The following FBXO45 variants were observed in gnomAD, a reference collection of about 807,000 sequenced individuals.
FBXO45 encodes F-box protein 45, also known as F-box/SPRY domain-containing protein 1.
A neutral mutation model predicts 25.5 loss-of-function variants in FBXO45; 3 were observed. That is an observed-to-expected ratio of 0.12 (90% CI 0.05 to 0.30). The LOEUF (loss-of-function observed/expected upper bound fraction) is 0.30, where lower values mean the gene tolerates loss of function less well. Ranked by LOEUF, FBXO45 falls within the 10% of genes least tolerant of loss-of-function variation. FBXO45 has a pLI of 1.00. For missense variants in FBXO45, 219 were observed against 365.0 expected (o/e 0.60, Z 3.26); for synonymous variants, 155 against 149.8 (o/e 1.03, Z -0.25).
At chr3:196,581,205 T>C (rs1736003820) in intron 2 of FBXO45, among the ~76,000 whole-genome samples, 1 of 150,466 alleles carries the variant, frequency 6.6e-6, no homozygotes, top group Non-Finnish European at 1.5e-5. Context: ...CTTTAGAATT[T>C]CCTTTTTTTT....
rs1285441068 is a variant in FBXO45 at position 196,589,045 on chromosome 3, AAAGTT to A, written c.*4730_*4734del. ...TTGTTTTGCCTTAGTTTCTTAATAA[AAAGTT>A]AAACATTAACCACCTGTGATTGCTT... is the stretch of plus-strand genomic sequence containing the variant. On this transcript the variant is annotated 3_prime_UTR_variant, in exon 3 of 3. Transcript: ENST00000311630. 1 of 152,224 alleles carries A rather than the reference AAAGTT, an allele frequency of 6.6e-6. No homozygotes were observed. Among genetic ancestry groups the A allele is most frequent in the Non-Finnish European group, 1.5e-5 (1 of 68,042 alleles). 9.4% of individuals were successfully genotyped at this position (152,224 alleles called of 1,614,324 possible). A position where few individuals can be genotyped will look rare whatever the true frequency, so the allele number is the denominator to read the frequency against.
intron 1 of FBXO45, among the ~76,000 whole-genome samples, chr3:196,570,935 T>C (rs1735813985): frequency 6.6e-6 from 1 of 151,830 alleles, no homozygotes; most frequent in South Asian, 2.1e-4. Context: ...ATGGTCTCAA[T>C]CTCCTGACCT....
intron 1 of FBXO45, among the ~76,000 whole-genome samples, chr3:196,573,421 G>A (rs1422399714): frequency 6.6e-6 from 1 of 152,186 alleles, no homozygotes; most frequent in Non-Finnish European, 1.5e-5. Context: ...AACCATAGAA[G>A]TTTGAACAGC....
chr3:196,570,462 C>A (rs1577593622), intron 1 of FBXO45, among the ~76,000 whole-genome samples: 1 of 152,052 alleles, frequency 6.6e-6, no homozygotes, highest in Admixed American at 6.5e-5. Flanking sequence ...GCCTCGAACT[C>A]CCGACCTCAG....
chr3:196,576,982 A>T (rs1031216973), intron 1 of FBXO45, among the ~76,000 whole-genome samples: 1 of 152,228 alleles, frequency 6.6e-6, no homozygotes, highest in African/African-American at 2.4e-5. Context: ...TATAAACAAA[A>T]GTAGAGAAAA....
intron 2 of FBXO45, among the ~76,000 whole-genome samples, chr3:196,579,083 C>T (rs1735965059): frequency 6.6e-6 from 1 of 152,120 alleles, no homozygotes; most frequent in African/African-American, 2.4e-5. Context: ...ATTTTTTATT[C>T]TTTTCATCTT....
chr3:196,571,535 A>G (rs555556599), intron 1 of FBXO45, among the ~76,000 whole-genome samples: 2 of 152,266 alleles, frequency 1.3e-5, no homozygotes, highest in South Asian at 4.1e-4. Context: ...CTAAATTAGG[A>G]GTTGTTGTTT....
chr3:196,582,001 G>A (rs923065), intron 2 of FBXO45, among the ~76,000 whole-genome samples: 35,961 of 152,002 alleles, frequency 0.24, 4,452 homozygotes, highest in South Asian at 0.32. Context: ...GGTCACTCAG[G>A]GATTTGGGAA....
intron 1 of FBXO45, among the ~76,000 whole-genome samples, chr3:196,570,434 T>C (rs1274330435): frequency 1.3e-5 from 2 of 152,030 alleles, no homozygotes; most frequent in Admixed American, 6.5e-5. Flanking sequence ...TTGTGGTTTC[T>C]TCTTGTTGGT....
In FBXO45 at chr3:196,569,374, G is replaced by A. The variant is rs776004265; in HGVS notation, c.318+72G>A. The stretch of plus-strand genomic sequence containing the variant: ...GCGTCGTTCGCGGTGTTTCTCATCC[G>A]AGCTTCTGAGTCAGAAGCTTCGCCT... On this transcript the variant is annotated intron_variant, in intron 1 of 2. Coordinates refer to ENST00000311630, the MANE Select transcript of FBXO45 (RefSeq NM_001105573.2). This position sits in a 1 kb window ranked among gnomAD's most constrained non-coding sequence, Gnocchi z 4.1. 7.1e-7 allele frequency: 1 copy of A among 1,401,794 alleles called. No individual in the cohort carries two copies. Among genetic ancestry groups the A allele is most frequent in the Non-Finnish European group, 9.5e-7 (1 of 1,050,846 alleles). The allele number at this position is 1,401,794 out of a possible 1,614,324, so 86.8% of individuals were successfully genotyped here.
At chr3:196,572,260 C>T (rs2108726015) in intron 1 of FBXO45, among the ~76,000 whole-genome samples, 1 of 152,348 alleles carries the variant, frequency 6.6e-6, no homozygotes, top group Middle Eastern at 3.4e-3. Flanking sequence ...AAAACAAACA[C>T]AGTCTCTTAA....
chr3:196,580,200 C>T (rs200144486), intron 2 of FBXO45, among the ~76,000 whole-genome samples: 33 of 138,874 alleles, frequency 2.4e-4, no homozygotes, highest in East Asian at 6.3e-4. Context: ...GAAGGGGTTT[C>T]TTTTTTTTTT....
intron 1 of FBXO45, among the ~76,000 whole-genome samples, chr3:196,575,158 A>G (rs1470855751): frequency 6.6e-6 from 1 of 152,214 alleles, no homozygotes; most frequent in African/African-American, 2.4e-5. Flanking sequence ...ATGTCATAGA[A>G]GTTTGAGGAA....
intron 1 of FBXO45, 94 bp from the exon 2 acceptor site, chr3:196,577,359 T>C: frequency 1.0e-6 from 1 of 955,514 alleles, no homozygotes; most frequent in African/African-American, 1.6e-5. Context: ...TATAACTTCG[T>C]TATTTAAAAA....
At position 196,569,630 on chromosome 3, in the gene FBXO45, C is replaced by T. The variant is rs1330270859; in HGVS notation, c.318+328C>T. Reference sequence around the variant, plus strand: ...TAATGCCCTCATCCTACTTTTCTCCCCGGCCTCCAGATAGACTTCATTATA... The same window carrying T: ...TAATGCCCTCATCCTACTTTTCTCCTCGGCCTCCAGATAGACTTCATTATA... On this transcript the variant is annotated intron_variant, in intron 1 of 2. Transcript: ENST00000311630. The surrounding 1 kb of genome is among the most constrained non-coding windows in gnomAD (Gnocchi z 4.1). 6.6e-6 allele frequency among the ~76,000 whole-genome samples: 1 copy of T among 152,208 alleles called. No homozygotes were observed. The highest frequency in any genetic ancestry group is 2.4e-5 in the African/African-American group (1 of 41,438).
At position 196,584,431 on chromosome 3, in the gene FBXO45, G is replaced by A. The variant is rs1226443228; in HGVS notation, c.*113G>A. The A allele has an allele frequency of 4.2e-6, 4 of 947,628 alleles. No homozygotes were observed. The Admixed American group carries it at 1.4e-4, about 33-fold the overall frequency. 58.7% of individuals were successfully genotyped at this position (947,628 alleles called of 1,614,324 possible). A position where few individuals can be genotyped will look rare whatever the true frequency, so the allele number is the denominator to read the frequency against. The stretch of plus-strand genomic sequence containing the variant: ...TCCAAGAAACATCCTGAAAACACAT[G>A]AAGTCGTAAACTGGAGAAGCAGCTC... On this transcript the variant is annotated 3_prime_UTR_variant, in exon 3 of 3. Coordinates refer to ENST00000311630, the MANE Select transcript of FBXO45 (RefSeq NM_001105573.2). The surrounding 1 kb of genome is among the most constrained non-coding windows in gnomAD (Gnocchi z 4.3).
At chr3:196,580,352 C>T (rs898217933) in intron 2 of FBXO45, among the ~76,000 whole-genome samples, 2 of 152,112 alleles carry the variant, frequency 1.3e-5, no homozygotes, top group Admixed American at 6.5e-5. Flanking sequence ...GCTGGGATTA[C>T]AGGCATGCGC....
At position 196,585,256 on chromosome 3, in the gene FBXO45, A is replaced by G. The variant is rs563538810; in HGVS notation, c.*938A>G. 4 of 152,318 alleles carry G rather than the reference A, an allele frequency of 2.6e-5. No individual in the cohort carries two copies. Among genetic ancestry groups the G allele is most frequent in the African/African-American group, 9.6e-5 (4 of 41,584 alleles). 9.4% of individuals were successfully genotyped at this position (152,318 alleles called of 1,614,324 possible). On this transcript the variant is annotated 3_prime_UTR_variant, in exon 3 of 3. Transcript: ENST00000311630. ...AGTTTTATTTTTGGCCTTCTAAGAAAGTGTCTCATAACACAGAACATTGCC... is the reference window on the plus strand; with the variant it reads ...AGTTTTATTTTTGGCCTTCTAAGAAGGTGTCTCATAACACAGAACATTGCC...
At chr3:196,580,317 T>A (rs930538714) in intron 2 of FBXO45, among the ~76,000 whole-genome samples, 11 of 151,954 alleles carry the variant, frequency 7.2e-5, no homozygotes, top group African/African-American at 2.7e-4. Flanking sequence ...GTTCAAGCAG[T>A]TCTCCTACCT....
Sources: gnomAD v4.1 joint callset for allele counts (sites outside exome capture counted in the v4.1 genomes callset) on GRCh38, gnomAD v4.1.1 for gene constraint, Gnocchi (gnomAD v3.1) non-coding constraint, MANE v1.5 for transcripts, NCBI Gene and HGNC (gene_info 2026-07-23, HGNC 2026-07-21) for gene names.